The following SORCS2 variants were observed in gnomAD, a reference collection of about 807,000 sequenced individuals.
SORCS2 encodes the protein VPS10 domain-containing receptor SorCS2.
SORCS2 carries 100 observed loss-of-function variants against 141.6 expected under a neutral mutation model. The ratio of observed to expected loss-of-function variants is 0.71; its 90% CI spans 0.60 to 0.83. The LOEUF (loss-of-function observed/expected upper bound fraction) is 0.83. Ranked by LOEUF, SORCS2 falls within the 40% of genes least tolerant of loss-of-function variation. The pLI, the probability that SORCS2 is intolerant of heterozygous loss-of-function variation, is 0.00. For missense variants in SORCS2, 1,646 were observed against 1,560.2 expected, an observed-to-expected ratio of 1.05 and a Z score of -0.93; for synonymous variants, 789 against 676.9, an observed-to-expected ratio of 1.17 and a Z score of -2.57.
intron 1 of SORCS2, among the ~76,000 whole-genome samples, chr4:7,246,056 A>G (rs954933450): frequency 1.3e-5 from 2 of 152,182 alleles, no homozygotes; most frequent in Non-Finnish European, 2.9e-5. Flanking sequence ...ATCCCTGGGT[A>G]TCTGGGAATT....
At chr4:7,362,506 C>G (rs1577447060) in intron 1 of SORCS2, among the ~76,000 whole-genome samples, 1 of 152,312 alleles carries the variant, frequency 6.6e-6, no homozygotes, top group Middle Eastern at 3.4e-3. Flanking sequence ...GTAGTATGTG[C>G]TCAACACCCA....
At chr4:7,205,851 C>T (rs1290827651) in intron 1 of SORCS2, among the ~76,000 whole-genome samples, 1 of 152,144 alleles carries the variant, frequency 6.6e-6, no homozygotes, top group Non-Finnish European at 1.5e-5. Context: ...TGAGACCAGT[C>T]TGGGCAACAT....
At chr4:7,241,718 G>A (rs181800543) in intron 1 of SORCS2, among the ~76,000 whole-genome samples, 1 of 152,302 alleles carries the variant, frequency 6.6e-6, no homozygotes, top group Non-Finnish European at 1.5e-5. Context: ...GGTTAAGGTG[G>A]TTTTCATTTT....
chr4:7,738,949 A>G (rs1021983807), intron 26 of SORCS2, among the ~76,000 whole-genome samples: 3 of 152,044 alleles, frequency 2.0e-5, no homozygotes, highest in Non-Finnish European at 2.9e-5. Flanking sequence ...TCGCCAGCCC[A>G]GGTGTGTTCC....
At chr4:7,671,321 G>C (rs922176567) in intron 8 of SORCS2, among the ~76,000 whole-genome samples, 1 of 150,874 alleles carries the variant, frequency 6.6e-6, no homozygotes, top group East Asian at 1.9e-4. Context: ...CAAAGAAACA[G>C]GAAAGTATGA....
At chr4:7,328,246 G>A (rs1719413517) in intron 1 of SORCS2, among the ~76,000 whole-genome samples, 1 of 150,600 alleles carries the variant, frequency 6.6e-6, no homozygotes, top group Non-Finnish European at 1.5e-5. Flanking sequence ...ATGTTGGCCA[G>A]GCTGGTCTTG....
chr4:7,222,778 G>A (rs1728786820), intron 1 of SORCS2, among the ~76,000 whole-genome samples: 1 of 152,066 alleles, frequency 6.6e-6, no homozygotes, highest in South Asian at 2.1e-4. Context: ...GTACAGATCT[G>A]TGTGGGGTGT....
At chr4:7,205,493 G>A (rs1560109960) in intron 1 of SORCS2, among the ~76,000 whole-genome samples, 2 of 152,344 alleles carry the variant, frequency 1.3e-5, no homozygotes, top group Middle Eastern at 3.4e-3. Flanking sequence ...GATTTCCATA[G>A]TTTTGAAGTT....
intron 17 of SORCS2, 127 bp downstream of exon 17, chr4:7,715,438 G>T: frequency 1.4e-6 from 2 of 1,403,076 alleles, no homozygotes; most frequent in South Asian, 2.8e-5. Flanking sequence ...GGAAAGAGAG[G>T]TCAAAGTTGA....
intron 2 of SORCS2, among the ~76,000 whole-genome samples, chr4:7,397,628 C>T (rs925510669): frequency 6.6e-6 from 1 of 152,288 alleles, no homozygotes; most frequent in Non-Finnish European, 1.5e-5. Context: ...AAAAATGTCT[C>T]GTTCCTCCGG....
intron 1 of SORCS2, among the ~76,000 whole-genome samples, chr4:7,336,649 A>G (rs569237642): frequency 9.5e-6 from 1 of 105,754 alleles, no homozygotes; most frequent in East Asian, 3.0e-4. Context: ...CCCAGAACAG[A>G]TGGATGAAGG....
chr4:7,383,402 G>A (rs1723107756), intron 1 of SORCS2, among the ~76,000 whole-genome samples: 1 of 152,206 alleles, frequency 6.6e-6, no homozygotes, highest in Non-Finnish European at 1.5e-5. Context: ...CCCTGCAAGA[G>A]GCAGCGCTTC....
intron 3 of SORCS2, among the ~76,000 whole-genome samples, chr4:7,603,632 A>C (rs1432829180): frequency 6.6e-6 from 1 of 152,186 alleles, no homozygotes; most frequent in Non-Finnish European, 1.5e-5. Flanking sequence ...GATAAGTCCA[A>C]TATTTAAAGT....
At chr4:7,544,241 A>G (rs1713073542) in intron 3 of SORCS2, among the ~76,000 whole-genome samples, 2 of 152,202 alleles carry the variant, frequency 1.3e-5, no homozygotes, top group Admixed American at 1.3e-4. Flanking sequence ...TATTCATTCA[A>G]CTAATATCTA....
chr4:7,203,245 A>G (rs1193071770), intron 1 of SORCS2, among the ~76,000 whole-genome samples: 1 of 152,228 alleles, frequency 6.6e-6, no homozygotes, highest in Non-Finnish European at 1.5e-5. Flanking sequence ...CAGCCTGGCC[A>G]ACATGGTGAA....
In SORCS2 at chr4:7,199,489, C is replaced by T. The variant is rs529441882; in HGVS notation, c.480+6363C>T. On this transcript the variant is annotated intron_variant, in intron 1 of 26. Coordinates refer to ENST00000507866, the MANE Select transcript of SORCS2 (RefSeq NM_020777.3). ...AGGTGAGCCTGGTGGAGGGGCTGCCCGTGGCCATTGCCTGTGCTGTGAAGC... is the reference window on the plus strand; with the variant it reads ...AGGTGAGCCTGGTGGAGGGGCTGCCTGTGGCCATTGCCTGTGCTGTGAAGC... 8.5e-5 allele frequency among the ~76,000 whole-genome samples: 13 copies of T among 152,116 alleles called. No individual in the cohort carries two copies. In the East Asian group the frequency reaches 2.1e-3, roughly 25 times the overall value.
chr4:7,494,339 C>T (rs917519049), intron 2 of SORCS2, among the ~76,000 whole-genome samples: 10 of 152,214 alleles, frequency 6.6e-5, no homozygotes, highest in South Asian at 2.1e-4. Context: ...AATCTTGTGG[C>T]GAATGGCTTA....
At chr4:7,515,896 CT>C (rs1560348018) in intron 2 of SORCS2, among the ~76,000 whole-genome samples, 1 of 152,168 alleles carries the variant, frequency 6.6e-6, no homozygotes, top group Non-Finnish European at 1.5e-5. Context: ...GCCGTGTCAC[CT>C]CGAGCAAGTG....
At chr4:7,335,013 G>A (rs1560200737) in intron 1 of SORCS2, among the ~76,000 whole-genome samples, 1 of 152,094 alleles carries the variant, frequency 6.6e-6, no homozygotes, top group Non-Finnish European at 1.5e-5. Flanking sequence ...CAGTCGGCTG[G>A]GCCATGGGCT....
Sources: allele counts gnomAD v4.1 joint callset (sites outside exome capture counted in the v4.1 genomes callset), GRCh38; gene constraint gnomAD v4.1.1; transcripts MANE v1.5; gene names NCBI Gene and HGNC (gene_info 2026-07-23, HGNC 2026-07-21).